The following NRF1 variants were observed in gnomAD, a reference collection of about 807,000 sequenced individuals.
NRF1 encodes alpha palindromic-binding protein.
In NRF1, 5 loss-of-function variants were observed where a neutral mutation model predicts 58.5. That is an observed-to-expected ratio of 0.09 (90% confidence interval 0.04 to 0.18). The LOEUF (loss-of-function observed/expected upper bound fraction) is 0.18, where lower values mean the gene tolerates loss of function less well. NRF1 is among the 10% of genes least tolerant of loss of function. The pLI is 1.00. For missense variants in NRF1, 288 were observed against 657.7 expected, an observed-to-expected ratio of 0.44 and a Z score of 6.15; for synonymous variants, 224 against 246.7, an observed-to-expected ratio of 0.91 and a Z score of 0.86.
At chr7:129,673,953 A>G (rs1802116445) in intron 3 of NRF1, among the ~76,000 whole-genome samples, 2 of 152,190 alleles carry the variant, frequency 1.3e-5, no homozygotes, top group East Asian at 1.9e-4. Flanking sequence ...CAGCTTGGCC[A>G]CCATGGTGAA....
chr7:129,730,398 T>G (rs1455478879), intron 10 of NRF1, among the ~76,000 whole-genome samples: 1 of 152,132 alleles, frequency 6.6e-6, no homozygotes, highest in African/African-American at 2.4e-5. Context: ...AGGTGCTGTT[T>G]GTTGACATAG....
rs1255895761 is a variant in NRF1 at position 129,719,543 on chromosome 7, C to CACACAA, written c.1223+2168_1223+2169insCACAAA. 3.0e-4 allele frequency among the ~76,000 whole-genome samples: 42 copies of CACACAA among 142,172 alleles called. 1 individual carries two copies. The highest frequency in any genetic ancestry group is 6.6e-4 in the African/African-American group (25 of 37,758). 93.3% of individuals were successfully genotyped at this position (142,172 alleles called of 152,430 possible). On this transcript the variant is annotated intron_variant, in intron 9 of 10. Coordinates refer to ENST00000393232, the MANE Select transcript of NRF1 (RefSeq NM_005011.5). ...ACACACACACACACACACACACACA[C>CACACAA]AACACATCTTCTCAGAGTTACCTAG... is the stretch of plus-strand genomic sequence containing the variant.
chr7:129,619,425 T>TACACACAC (rs1461364151), intron 1 of NRF1, among the ~76,000 whole-genome samples: 935 of 82,516 alleles, frequency 0.011, 22 homozygotes, highest in Middle Eastern at 0.039. Context: ...TATATATATA[T>TACACACAC]ATATATATAC....
At chr7:129,620,575 A>G (rs915882053) in intron 1 of NRF1, among the ~76,000 whole-genome samples, 98 of 151,890 alleles carry the variant, frequency 6.5e-4, no homozygotes, top group African/African-American at 2.4e-3. Context: ...TTTAGTAGAG[A>G]TGGGATTTCA....
intron 5 of NRF1, among the ~76,000 whole-genome samples, chr7:129,691,834 T>C (rs1040561055): frequency 2.6e-5 from 4 of 152,118 alleles, no homozygotes; most frequent in African/African-American, 9.7e-5. Context: ...GGTGCTCCCC[T>C]CATCCCTTCT....
intron 1 of NRF1, among the ~76,000 whole-genome samples, chr7:129,627,296 C>CA (rs1228628919): frequency 6.6e-6 from 1 of 152,180 alleles, no homozygotes; most frequent in African/African-American, 2.4e-5. Context: ...ACTGCAGCCT[C>CA]AGTCTCCCCT....
intron 10 of NRF1, among the ~76,000 whole-genome samples, chr7:129,746,852 T>C (rs937328339): frequency 6.6e-6 from 1 of 152,224 alleles, no homozygotes; most frequent in Non-Finnish European, 1.5e-5. Flanking sequence ...AGCTCTCTCT[T>C]TTTCTCTCAA....
chr7:129,617,645 A>G (rs966725090), intron 1 of NRF1, among the ~76,000 whole-genome samples: 2 of 152,102 alleles, frequency 1.3e-5, no homozygotes, highest in Admixed American at 1.3e-4. Context: ...GTATGGGCTC[A>G]ACTAGCTATG....
intron 1 of NRF1, among the ~76,000 whole-genome samples, chr7:129,612,537 G>A (rs193030029): frequency 6.6e-6 from 1 of 152,324 alleles, no homozygotes; most frequent in Admixed American, 6.5e-5. Flanking sequence ...CCTTTTGTAC[G>A]CAGAAATAAG....
intron 1 of NRF1, among the ~76,000 whole-genome samples, chr7:129,625,519 T>A (rs1800892952): frequency 1.3e-5 from 2 of 151,936 alleles, no homozygotes; most frequent in African/African-American, 4.8e-5. Flanking sequence ...ATTAGTTTTT[T>A]AGAAACAGTC....
chr7:129,668,043 C>G (rs569196704), intron 2 of NRF1, among the ~76,000 whole-genome samples: 1 of 152,216 alleles, frequency 6.6e-6, no homozygotes, highest in East Asian at 1.9e-4. Context: ...GGATTACAAG[C>G]TTTCTTTTGT....
At chr7:129,634,131 G>C (rs75630895) in intron 1 of NRF1, among the ~76,000 whole-genome samples, 2 of 150,752 alleles carry the variant, frequency 1.3e-5, no homozygotes. Flanking sequence ...ATTGAGTGGA[G>C]AGTATGGAGA....
At chr7:129,734,440 A>G (rs1308872702) in intron 10 of NRF1, among the ~76,000 whole-genome samples, 1 of 152,198 alleles carries the variant, frequency 6.6e-6, no homozygotes, top group Non-Finnish European at 1.5e-5. Context: ...ACCATTGTTG[A>G]ACAAATAAAT....
intron 10 of NRF1, among the ~76,000 whole-genome samples, chr7:129,754,395 C>T (rs1430100345): frequency 2.2e-5 from 3 of 136,820 alleles, no homozygotes; most frequent in Non-Finnish European, 3.0e-5. Flanking sequence ...TCCAGGAGTT[C>T]GAGGTTGCAG....
At chr7:129,717,732 C>T (rs1029661418) in intron 9 of NRF1, among the ~76,000 whole-genome samples, 7 of 152,192 alleles carry the variant, frequency 4.6e-5, no homozygotes, top group Admixed American at 3.3e-4. Context: ...GCCCCAACAA[C>T]CAGTGTAGCC....
At chr7:129,618,902 ATAAT>A (rs1399438542) in intron 1 of NRF1, among the ~76,000 whole-genome samples, 1 of 152,180 alleles carries the variant, frequency 6.6e-6, no homozygotes, top group East Asian at 1.9e-4. Context: ...AATATTTTAA[ATAAT>A]TTTGTGCAGG....
chr7:129,711,128 A>G (rs764983076), intron 7 of NRF1, among the ~76,000 whole-genome samples: 8 of 152,138 alleles, frequency 5.3e-5, no homozygotes, highest in Non-Finnish European at 1.5e-5. Flanking sequence ...TGATCAGGGA[A>G]TATTCCTTCT....
At chr7:129,673,583 G>T (rs1802100748) in intron 3 of NRF1, among the ~76,000 whole-genome samples, 1 of 151,850 alleles carries the variant, frequency 6.6e-6, no homozygotes, top group African/African-American at 2.4e-5. Flanking sequence ...CGGGCGCAGT[G>T]GCGGGCGCCT....
At chr7:129,737,791 G>A (rs1027940782) in intron 10 of NRF1, among the ~76,000 whole-genome samples, 12 of 152,324 alleles carry the variant, frequency 7.9e-5, no homozygotes, top group Middle Eastern at 3.4e-3. Context: ...GTAAGAGTGC[G>A]TTTTCAGTCA....
Sources: gnomAD v4.1 joint callset for allele counts (sites outside exome capture counted in the v4.1 genomes callset) on GRCh38, gnomAD v4.1.1 for gene constraint, MANE v1.5 for transcripts, NCBI Gene and HGNC (gene_info 2026-07-23, HGNC 2026-07-21) for gene names.